The following PCDH15 variants were observed in gnomAD, a reference collection of about 807,000 sequenced individuals.
The protein encoded by PCDH15 is protocadherin related 15, also known as protocadherin-15.
A neutral mutation model predicts 178.5 loss-of-function variants in PCDH15; 129 were observed. That is an observed-to-expected ratio of 0.72 (90% confidence interval 0.63 to 0.84). PCDH15 has a LOEUF of 0.84. Among genes scored for constraint, PCDH15 ranks in the 40% least tolerant of loss-of-function variants. PCDH15 has a pLI of 0.00. For missense variants in PCDH15, 2,230 were observed against 2,099.9 expected (o/e 1.06, Z -1.21); for synonymous variants, 800 against 732.0 (o/e 1.09, Z -1.50).
At chr10:55,189,209 T>TA (rs1237063924) in intron 1 of PCDH15, among the ~76,000 whole-genome samples, 2 of 151,900 alleles carry the variant, frequency 1.3e-5, no homozygotes, top group African/African-American at 4.8e-5. Flanking sequence ...TAGTTAGTTG[T>TA]AAAAAACGAT....
intron 20 of PCDH15, among the ~76,000 whole-genome samples, chr10:54,015,899 G>A (rs998798042): frequency 2.0e-5 from 3 of 151,996 alleles, no homozygotes; most frequent in Non-Finnish European, 4.4e-5. Context: ...ATTGACAAGT[G>A]TGACTTAATT....
At chr10:54,603,990 T>C (rs2092647268) in intron 2 of PCDH15, among the ~76,000 whole-genome samples, 1 of 152,008 alleles carries the variant, frequency 6.6e-6, no homozygotes. Context: ...TTCATTTTTG[T>C]CAGGAGGTAA....
intron 1 of PCDH15, among the ~76,000 whole-genome samples, chr10:55,203,255 C>T (rs2132161143): frequency 6.6e-6 from 1 of 152,144 alleles, no homozygotes; most frequent in Non-Finnish European, 1.5e-5. Flanking sequence ...AATTCTACAA[C>T]TTCCATTTGT....
intron 1 of PCDH15, among the ~76,000 whole-genome samples, chr10:55,197,017 AT>A (rs1184678668): frequency 6.6e-6 from 1 of 151,910 alleles, no homozygotes; most frequent in East Asian, 1.9e-4. Flanking sequence ...TTTTGTCACC[AT>A]TTTTTTAAAT....
chr10:53,874,174 G>C (rs1444040276), intron 26 of PCDH15, among the ~76,000 whole-genome samples: 2 of 151,902 alleles, frequency 1.3e-5, no homozygotes, highest in East Asian at 3.9e-4. Context: ...AATTTAACTT[G>C]TCTGGTTTTC....
chr10:55,324,730 C>G (rs1458948072), intron 2 of PCDH15, among the ~76,000 whole-genome samples: 2 of 151,658 alleles, frequency 1.3e-5, no homozygotes, highest in Non-Finnish European at 2.9e-5. Context: ...AACAACTGAC[C>G]AAATAGACCA....
intron 2 of PCDH15, among the ~76,000 whole-genome samples, chr10:54,986,864 A>G (rs1839380621): frequency 6.6e-6 from 1 of 152,180 alleles, no homozygotes; most frequent in Non-Finnish European, 1.5e-5. Context: ...TTATCAAGCA[A>G]TAATCTATAA....
At chr10:54,069,156 G>A (rs187358184) in intron 17 of PCDH15, among the ~76,000 whole-genome samples, 169 of 152,258 alleles carry the variant, frequency 1.1e-3, no homozygotes, top group Non-Finnish European at 1.4e-3. Context: ...GGGTTAACAA[G>A]ACATTGAAAT....
At chr10:55,266,614 C>T (rs866191511) in intron 1 of PCDH15, among the ~76,000 whole-genome samples, 2 of 152,160 alleles carry the variant, frequency 1.3e-5, no homozygotes, top group South Asian at 2.1e-4. Flanking sequence ...CCCTTGCGGG[C>T]AGAGATTCAC....
At chr10:54,851,229 C>G (rs1000735997) in intron 3 of PCDH15, among the ~76,000 whole-genome samples, 2 of 151,632 alleles carry the variant, frequency 1.3e-5, no homozygotes, top group Admixed American at 6.6e-5. Flanking sequence ...TCATATATCC[C>G]CATAAATGTA....
chr10:54,121,191 C>CTTTTTTTTTTTTTTTT (rs1554799444), intron 15 of PCDH15, among the ~76,000 whole-genome samples: 2 of 151,988 alleles, frequency 1.3e-5, no homozygotes, highest in African/African-American at 4.8e-5. Flanking sequence ...TCCTGAGTGA[C>CTTTTTTTTTTTTTTTT]TTTTAAGTAA....
chr10:54,998,892 C>T (rs1367522290), intron 2 of PCDH15, among the ~76,000 whole-genome samples: 3 of 152,184 alleles, frequency 2.0e-5, no homozygotes, highest in Non-Finnish European at 4.4e-5. Context: ...ATATCCACAA[C>T]GTGTATGTTT....
intron 2 of PCDH15, among the ~76,000 whole-genome samples, chr10:55,324,892 T>C (rs1394223468): frequency 2.0e-5 from 3 of 152,206 alleles, no homozygotes; most frequent in African/African-American, 7.2e-5. Flanking sequence ...ACAAAATTAA[T>C]GTGCAAAAAT....
chr10:54,619,193 G>A (rs1191046842), intron 2 of PCDH15: 1 of 151,952 alleles, frequency 6.6e-6, no homozygotes, highest in Non-Finnish European at 1.5e-5. Context: ...GACCCCTCCT[G>A]GAGAAACTAG....
At chr10:53,843,065 T>A (rs1165511624) in intron 28 of PCDH15, among the ~76,000 whole-genome samples, 1 of 152,336 alleles carries the variant, frequency 6.6e-6, no homozygotes, top group Admixed American at 6.5e-5. Flanking sequence ...AAAATATAAC[T>A]GTACCAATTC....
At chr10:55,354,884 C>G (rs1195150107) in intron 2 of PCDH15, among the ~76,000 whole-genome samples, 1 of 152,050 alleles carries the variant, frequency 6.6e-6, no homozygotes, top group Non-Finnish European at 1.5e-5. Context: ...AAAAATCACT[C>G]AGGCTTACCC....
intron 1 of PCDH15, among the ~76,000 whole-genome samples, chr10:55,267,652 G>C (rs1447324455): frequency 6.6e-6 from 1 of 152,104 alleles, no homozygotes; most frequent in Non-Finnish European, 1.5e-5. Context: ...TTATTCAAAT[G>C]CATGTTTTTC....
chr10:54,746,982 A>T (rs12769911), intron 1 of PCDH15, among the ~76,000 whole-genome samples: 1,552 of 152,250 alleles, frequency 0.01, 12 homozygotes, highest in Non-Finnish European at 0.017. Flanking sequence ...TTCAACTTAC[A>T]ATGGTTTTAT....
chr10:53,813,718 CA>C (rs1588891556), intron 35 of PCDH15, among the ~76,000 whole-genome samples: 1 of 152,138 alleles, frequency 6.6e-6, no homozygotes, highest in East Asian at 1.9e-4. Flanking sequence ...CCACATCGCA[CA>C]ACAACATAAA....
Sources: allele counts gnomAD v4.1 joint callset (sites outside exome capture counted in the v4.1 genomes callset), GRCh38; gene constraint gnomAD v4.1.1; transcripts MANE v1.5; gene names NCBI Gene and HGNC (gene_info 2026-07-23, HGNC 2026-07-21).